The following NAALADL2 variants were observed in gnomAD, a reference collection of about 807,000 sequenced individuals.
NAALADL2 encodes N-acetylated alpha-linked acidic dipeptidase like 2.
A neutral mutation model predicts 87.2 loss-of-function variants in NAALADL2; 76 were observed. The observed-to-expected ratio is 0.87, with a 90% CI of 0.72 to 1.05. NAALADL2 has a LOEUF of 1.05. NAALADL2 is among the 50% of genes least tolerant of loss of function. The pLI, the probability that NAALADL2 is intolerant of heterozygous loss-of-function variation, is 0.00. For missense variants in NAALADL2, 1,089 were observed against 945.8 expected, an observed-to-expected ratio of 1.15 and a Z score of -1.99; for synonymous variants, 354 against 331.0, an observed-to-expected ratio of 1.07 and a Z score of -0.75.
intron 3 of NAALADL2, among the ~76,000 whole-genome samples, chr3:174,827,201 G>A (rs762478806): frequency 3.3e-5 from 5 of 151,940 alleles, no homozygotes; most frequent in African/African-American, 4.8e-5. Context: ...TTTCAGTTCC[G>A]TAATTAGTAT....
At chr3:175,431,875 CCT>C (rs1001261252) in intron 5 of NAALADL2, among the ~76,000 whole-genome samples, 1 of 151,968 alleles carries the variant, frequency 6.6e-6, no homozygotes, top group Non-Finnish European at 1.5e-5. Context: ...AGGACTGAAA[CCT>C]TAATTGCCTT....
chr3:175,024,302 TTG>T (rs1751945161), intron 1 of NAALADL2, among the ~76,000 whole-genome samples: 2 of 152,068 alleles, frequency 1.3e-5, no homozygotes, highest in South Asian at 4.1e-4. Context: ...GAATGTCTGT[TTG>T]TGCTTTGTAT....
Position 174,561,135 on chromosome 3 carries a change from A to G in NAALADL2, c.-115+10498A>G, listed in dbSNP as rs1713556661. On this transcript the variant is annotated intron_variant, in intron 2 of 3. Coordinates refer to the NAALADL2 transcript ENST00000434257. ...AACCCAAGAGCAGGGTGATCAGTGG[A>G]TGGAAAATTACTAAGAGGAAATATG... 2.0e-5 allele frequency among the ~76,000 whole-genome samples: 3 copies of G among 151,512 alleles called. No individual in the cohort carries two copies. The South Asian group carries it at 6.3e-4, about 32-fold the overall frequency.
chr3:174,876,789 A>G (rs947780767), intron 1 of NAALADL2, among the ~76,000 whole-genome samples: 2 of 152,090 alleles, frequency 1.3e-5, no homozygotes, highest in African/African-American at 4.8e-5. Flanking sequence ...TGTGGCAGGG[A>G]TATTTCTTGT....
At chr3:174,619,264 A>G (rs372921157) in intron 2 of NAALADL2, among the ~76,000 whole-genome samples, 1 of 152,070 alleles carries the variant, frequency 6.6e-6, no homozygotes, top group East Asian at 1.9e-4. Flanking sequence ...TTTATACATT[A>G]CATTTGAAAT....
At chr3:175,394,619 T>C (rs1375060105) in intron 5 of NAALADL2, among the ~76,000 whole-genome samples, 4 of 151,186 alleles carry the variant, frequency 2.6e-5, no homozygotes, top group African/African-American at 4.9e-5. Flanking sequence ...CTGACAGTTG[T>C]GTTTTTTATG....
intron 10 of NAALADL2, among the ~76,000 whole-genome samples, chr3:175,624,025 G>A (rs187476871): frequency 3.9e-4 from 59 of 151,870 alleles, no homozygotes; most frequent in Admixed American, 3.0e-3. Flanking sequence ...CTTGCACTGT[G>A]TTAGGTACAA....
intron 2 of NAALADL2, among the ~76,000 whole-genome samples, chr3:174,613,008 C>A (rs1420951759): frequency 6.6e-6 from 1 of 152,200 alleles, no homozygotes; most frequent in Non-Finnish European, 1.5e-5. Flanking sequence ...GGGGGCACCT[C>A]AAGCCCAGTA....
intron 2 of NAALADL2, among the ~76,000 whole-genome samples, chr3:174,690,438 T>C (rs1465183547): frequency 2.0e-5 from 3 of 152,202 alleles, no homozygotes; most frequent in Non-Finnish European, 4.4e-5. Context: ...TAAGCATATC[T>C]TAAATTGTAG....
intron 2 of NAALADL2, among the ~76,000 whole-genome samples, chr3:175,191,825 T>G (rs1738253437): frequency 6.6e-6 from 1 of 152,198 alleles, no homozygotes; most frequent in Non-Finnish European, 1.5e-5. Context: ...TAGATCACAC[T>G]TAAAATCTTC....
chr3:174,981,129 T>G (rs935911525), intron 1 of NAALADL2, among the ~76,000 whole-genome samples: 1 of 152,074 alleles, frequency 6.6e-6, no homozygotes, highest in Non-Finnish European at 1.5e-5. Context: ...TTAAGTCGGT[T>G]TTCCCCCTAC....
chr3:174,755,525 T>G (rs745611066), intron 3 of NAALADL2, among the ~76,000 whole-genome samples: 2 of 152,168 alleles, frequency 1.3e-5, no homozygotes, highest in Non-Finnish European at 2.9e-5. Context: ...AATAAAAAAT[T>G]TCGAGCCACC....
chr3:175,138,673 G>A (rs1185765196), intron 2 of NAALADL2, among the ~76,000 whole-genome samples: 5 of 148,182 alleles, frequency 3.4e-5, no homozygotes. Flanking sequence ...TCTTATTCAG[G>A]CTGAACTCGA....
intron 1 of NAALADL2, among the ~76,000 whole-genome samples, chr3:175,022,808 C>A (rs1425333836): frequency 6.6e-6 from 1 of 151,868 alleles, no homozygotes; most frequent in East Asian, 1.9e-4. Flanking sequence ...AGCACATATT[C>A]CACCTGCATC....
At chr3:175,346,711 G>T (rs1372986315) in intron 5 of NAALADL2, among the ~76,000 whole-genome samples, 2 of 152,066 alleles carry the variant, frequency 1.3e-5, no homozygotes, top group Non-Finnish European at 2.9e-5. Flanking sequence ...AATGTGAAAC[G>T]ACTTCAACCC....
intron 5 of NAALADL2, among the ~76,000 whole-genome samples, chr3:175,401,184 T>C (rs113161471): frequency 1.1e-4 from 17 of 152,228 alleles, no homozygotes; most frequent in African/African-American, 4.1e-4. Flanking sequence ...AATCCTGGGC[T>C]GTTATTTACA....
At chr3:175,138,353 A>C (rs1729438518) in intron 2 of NAALADL2, among the ~76,000 whole-genome samples, 2 of 152,196 alleles carry the variant, frequency 1.3e-5, no homozygotes, top group African/African-American at 4.8e-5. Flanking sequence ...CTTCTTATCC[A>C]AAACTCCTGG....
chr3:175,147,490 A>T (rs920342573), intron 2 of NAALADL2, among the ~76,000 whole-genome samples: 1 of 152,128 alleles, frequency 6.6e-6, no homozygotes, highest in Non-Finnish European at 1.5e-5. Flanking sequence ...CCAGTCTACC[A>T]CGGATGGGCA....
intron 9 of NAALADL2, among the ~76,000 whole-genome samples, chr3:175,554,415 A>G (rs1714931452): frequency 6.6e-6 from 1 of 152,138 alleles, no homozygotes; most frequent in South Asian, 2.1e-4. Flanking sequence ...TTTAATAGCT[A>G]CATAATATAT....
Sources: gnomAD v4.1 joint callset for allele counts (sites outside exome capture counted in the v4.1 genomes callset) on GRCh38, gnomAD v4.1.1 for gene constraint, MANE v1.5 for transcripts, NCBI Gene and HGNC (gene_info 2026-07-23, HGNC 2026-07-21) for gene names.